Variants in MKLN1 observed in about 807,000 individuals in gnomAD.
MKLN1 encodes the protein muskelin 1.
MKLN1 carries 18 observed loss-of-function variants against 99.0 expected under a neutral mutation model. The ratio of observed to expected loss-of-function variants is 0.18; its 90% CI spans 0.13 to 0.27. The LOEUF is 0.27. MKLN1 is among the 10% of genes least tolerant of loss of function. The probability of loss-of-function intolerance (pLI) is 1.00; values close to 1 mark genes in which losing one functional copy is unlikely to be tolerated. For synonymous variants in MKLN1, 288 were observed against 293.2 expected (o/e 0.98, Z 0.18); for missense variants, 621 against 875.9 (o/e 0.71, Z 3.67).
chr7:131,478,595 C>CTTTTTT (rs3080645), intron 16 of MKLN1, 28 bp from the exon 17 acceptor site: 94 of 1,238,308 alleles, frequency 7.6e-5, no homozygotes, highest in South Asian at 3.7e-4. Context: ...TTTGCTGCTT[C>CTTTTTT]TTTTTTTTTT....
At chr7:131,119,260 C>A (rs866420532) in intron 1 of MKLN1, among the ~76,000 whole-genome samples, 8 of 152,366 alleles carry the variant, frequency 5.3e-5, no homozygotes, top group Middle Eastern at 3.4e-3. Context: ...TCTTAAAGCT[C>A]TAAAATAATC....
chr7:131,272,655 C>T (rs1484073683), intron 3 of MKLN1, among the ~76,000 whole-genome samples: 1 of 152,184 alleles, frequency 6.6e-6, no homozygotes, highest in Admixed American at 6.5e-5. Context: ...ATTGGACTTA[C>T]AGTTCCACAT....
intron 8 of MKLN1, among the ~76,000 whole-genome samples, chr7:131,418,863 A>G (rs1014480425): frequency 3.9e-5 from 6 of 152,206 alleles, no homozygotes; most frequent in African/African-American, 1.4e-4. Context: ...ATGAGGAAAC[A>G]TGCCCTGGAA....
Position 131,445,867 on chromosome 7 carries a change from A to G in MKLN1, c.1489A>G (p.Ile497Val), listed in dbSNP as rs1357593393. 55 of 1,605,330 alleles carry G rather than the reference A, an allele frequency of 3.4e-5. No homozygotes were observed. In the Admixed American group the frequency reaches 8.8e-4, roughly 26 times the overall value. Residue 497 changes from isoleucine to valine, a missense_variant, in exon 12 of 18, where the codon ATA (isoleucine) becomes GTA (valine). Coordinates refer to ENST00000352689, the MANE Select transcript of MKLN1 (RefSeq NM_013255.5). ...TGATGTGGACTCTGATCATGTAGAC[A>G]TAATATCAGATGGCACCAAGAAAGA... ...SYDVDSDHVD[I>V]ISDGTKKDSG...
intron 12 of MKLN1, among the ~76,000 whole-genome samples, chr7:131,454,557 A>C (rs575561800): frequency 6.6e-6 from 1 of 152,236 alleles, no homozygotes; most frequent in Non-Finnish European, 1.5e-5. Flanking sequence ...TTGCTTTCCC[A>C]AAAGTCATTG....
At chr7:131,162,775 C>CA (rs558750851) in intron 2 of MKLN1, among the ~76,000 whole-genome samples, 25 of 152,172 alleles carry the variant, frequency 1.6e-4, no homozygotes, top group African/African-American at 6.0e-4. Flanking sequence ...AAACTTAGTG[C>CA]AAAAAACAGA....
chr7:131,414,142 T>C (rs1386967214), intron 7 of MKLN1, among the ~76,000 whole-genome samples: 1 of 152,146 alleles, frequency 6.6e-6, no homozygotes, highest in East Asian at 1.9e-4. Context: ...TACAAAAATT[T>C]TACAAAATAA....
chr7:131,333,083 C>T (rs1584614869), intron 1 of MKLN1, among the ~76,000 whole-genome samples: 1 of 152,266 alleles, frequency 6.6e-6, no homozygotes, highest in East Asian at 1.9e-4. Flanking sequence ...ACCACCACGT[C>T]TGGTTAATTT....
intron 3 of MKLN1, chr7:131,285,074 G>T (rs979442013): frequency 3.3e-5 from 5 of 152,264 alleles, no homozygotes; most frequent in African/African-American, 1.2e-4. Context: ...AAGCTGCAGG[G>T]TGAGGATGGG....
At chr7:131,283,392 C>T (rs1798087231) in intron 3 of MKLN1, among the ~76,000 whole-genome samples, 1 of 98,504 alleles carries the variant, frequency 1.0e-5, no homozygotes, top group Admixed American at 1.1e-4. Context: ...TTCCTTCCTT[C>T]CTTCCTTCCT....
rs1383322950 is a variant in MKLN1 at position 131,466,306 on chromosome 7, A to G, written c.1819A>G (p.Lys607Glu). 1.2e-6 allele frequency: 2 copies of G among 1,603,840 alleles called. No homozygotes were observed. The highest frequency in any genetic ancestry group is 2.2e-5 in the South Asian group (2 of 89,558). ...TTACTTATTTGGTGGGAATCCAGGA[A>G]AATCTTGCTCTCCAAAGATGAGATT... ...VHYLFGGNPG[K>E]SCSPKMRLDD... The change falls in exon 15 of 18, where the codon AAA becomes GAA. Residue 607 changes from lysine (K) to glutamate (E), a missense_variant. Coordinates refer to ENST00000352689, the MANE Select transcript of MKLN1 (RefSeq NM_013255.5).
chr7:131,308,143 G>T (rs1163315355), intron 3 of MKLN1, among the ~76,000 whole-genome samples: 1 of 152,054 alleles, frequency 6.6e-6, no homozygotes, highest in African/African-American at 2.4e-5. Flanking sequence ...TTGTGAAAAA[G>T]GTACTTGCTT....
At chr7:131,351,638 T>G (rs1446948369) in intron 1 of MKLN1, among the ~76,000 whole-genome samples, 1 of 151,138 alleles carries the variant, frequency 6.6e-6, no homozygotes, top group African/African-American at 2.4e-5. Flanking sequence ...ATTTTTAAAT[T>G]TTTTTTTTAG....
chr7:131,487,929 G>T lies in MKLN1; in HGVS notation c.*201G>T. The T allele has an allele frequency of 2.9e-6, 1 of 339,652 alleles. No homozygotes were observed. The highest frequency in any genetic ancestry group is 5.2e-6 in the Non-Finnish European group (1 of 192,412). The allele number at this position is 339,652 out of a possible 1,614,324, so 21.0% of individuals were successfully genotyped here. ...CTCTCCTCATCCTATTCCTAAATTA[G>T]GCTAATAAAGTGAAATTGGTATACT... On this transcript the variant is annotated 3_prime_UTR_variant, in exon 18 of 18. Transcript: ENST00000352689. This position sits in a 1 kb window ranked among gnomAD's most constrained non-coding sequence, Gnocchi z 4.7.
At chr7:131,355,858 C>T (rs2116781471) in intron 1 of MKLN1, among the ~76,000 whole-genome samples, 1 of 151,538 alleles carries the variant, frequency 6.6e-6, no homozygotes, top group African/African-American at 2.4e-5. Flanking sequence ...TTCTTCTATT[C>T]TAAATAGTAT....
intron 3 of MKLN1, among the ~76,000 whole-genome samples, chr7:131,305,617 T>G (rs1031622589): frequency 3.9e-5 from 6 of 152,196 alleles, no homozygotes; most frequent in African/African-American, 1.4e-4. Flanking sequence ...TAGAGAAGCT[T>G]TCTTTACCAT....
intron 2 of MKLN1, among the ~76,000 whole-genome samples, chr7:131,379,344 C>T (rs1793767798): frequency 6.6e-6 from 1 of 151,954 alleles, no homozygotes; most frequent in African/African-American, 2.4e-5. Flanking sequence ...AGAACCCCTT[C>T]CAGAATTTTA....
chr7:131,361,722 TTTTCC>T (rs1800036138), intron 1 of MKLN1, among the ~76,000 whole-genome samples: 1 of 151,990 alleles, frequency 6.6e-6, no homozygotes. Flanking sequence ...AGTGATGATC[TTTTCC>T]TTTCATTTTA....
At chr7:131,371,173 A>G (rs951313526) in intron 1 of MKLN1, among the ~76,000 whole-genome samples, 2 of 152,112 alleles carry the variant, frequency 1.3e-5, no homozygotes, top group Non-Finnish European at 2.9e-5. Flanking sequence ...TACCTTGTAT[A>G]TGGCAACATT....
Sources: allele counts gnomAD v4.1 joint callset (sites outside exome capture counted in the v4.1 genomes callset), GRCh38; gene constraint gnomAD v4.1.1; non-coding constraint Gnocchi (gnomAD v3.1); transcripts MANE v1.5; gene names NCBI Gene and HGNC (gene_info 2026-07-23, HGNC 2026-07-21).